OTUD4: variants seen among roughly 807,000 people sequenced by gnomAD.
OTUD4 encodes the protein OTU deubiquitinase 4.
OTUD4 carries 24 observed loss-of-function variants against 130.4 expected under a neutral mutation model. That is an observed-to-expected ratio of 0.18 (90% CI 0.13 to 0.26). OTUD4 has a LOEUF of 0.26. Among genes scored for constraint, OTUD4 ranks in the 10% least tolerant of loss-of-function variants. OTUD4 has a pLI of 1.00. For synonymous variants in OTUD4, 420 were observed against 472.5 expected (o/e 0.89, Z 1.44); for missense variants, 1,031 against 1,329.4 (o/e 0.78, Z 3.49).
intron 10 of OTUD4, 55 bp downstream of exon 10, chr4:145,155,356 T>G: frequency 7.0e-7 from 1 of 1,432,246 alleles, no homozygotes; most frequent in African/African-American, 1.4e-5. Context: ...CTGTTTGTAT[T>G]AGAAAAAGCA....
At chr4:145,166,489 T>C (rs1024308505) in intron 3 of OTUD4, among the ~76,000 whole-genome samples, 24 of 152,182 alleles carry the variant, frequency 1.6e-4, no homozygotes, top group Middle Eastern at 3.4e-3. Context: ...TGGGAGTTAT[T>C]TGTAACAGTG....
intron 3 of OTUD4, among the ~76,000 whole-genome samples, chr4:145,168,816 G>A (rs1752004568): frequency 6.6e-6 from 1 of 152,128 alleles, no homozygotes; most frequent in African/African-American, 2.4e-5. Flanking sequence ...CAAGAAAAAA[G>A]AAAACACATG....
intron 7 of OTUD4, among the ~76,000 whole-genome samples, chr4:145,157,492 C>T (rs891799560): frequency 1.3e-5 from 2 of 152,010 alleles, no homozygotes; most frequent in South Asian, 4.1e-4. Flanking sequence ...AGTTCGAGAC[C>T]AGCCTGACCA....
chr4:145,162,995 CTACT>C (rs1210205215), intron 5 of OTUD4, among the ~76,000 whole-genome samples: 5 of 152,114 alleles, frequency 3.3e-5, no homozygotes, highest in Non-Finnish European at 5.9e-5. Flanking sequence ...ATGCTTTCAA[CTACT>C]TAAAGAACAA....
At chr4:145,154,807 T>C (rs1000817377) in intron 10 of OTUD4, among the ~76,000 whole-genome samples, 2 of 148,506 alleles carry the variant, frequency 1.3e-5, no homozygotes, top group African/African-American at 5.0e-5. Flanking sequence ...GAATAAAAAA[T>C]GTCTCCAGAC....
chr4:145,144,072 C>T (rs1206595613), intron 15 of OTUD4, 71 bp from the exon 16 acceptor site: 28 of 1,307,946 alleles, frequency 2.1e-5, no homozygotes, highest in East Asian at 4.6e-5. Flanking sequence ...GAACAAAATA[C>T]GAAGATAGAA....
chr4:145,161,364 G>A (rs1163860708), intron 6 of OTUD4, among the ~76,000 whole-genome samples: 1 of 152,146 alleles, frequency 6.6e-6, no homozygotes, highest in Non-Finnish European at 1.5e-5. Context: ...AGGGTACAGA[G>A]GCTACACTTC....
Position 145,138,480 on chromosome 4 carries a change from A to T in OTUD4, c.2295T>A (p.Asp765Glu). 6.2e-7 allele frequency: 1 copy of T among 1,614,050 alleles called. No individual in the cohort carries two copies. The highest frequency in any genetic ancestry group is 1.3e-5 in the African/African-American group (1 of 75,050). ...AQNESDCTCTDAHFPMQTEAS... is the reference protein window; with the variant it reads ...AQNESDCTCTEAHFPMQTEAS... The stretch of plus-strand genomic sequence containing the variant: ...CCTCAGTCTGCATAGGAAAGTGGGC[A>T]TCAGTACAGGTACAATCACTTTCAT... Residue 765 changes from aspartate (D) to glutamate (E), a missense_variant, in exon 21 of 21, where the codon GAT becomes GAA. By Grantham distance (45) the Asp-to-Glu change is conservative (BLOSUM62 2). This residue lies in a region of OTUD4 where 900 missense variants were observed against 1,095.9 expected (regional missense o/e 0.82). Transcript: ENST00000447906.
At chr4:145,139,785 A>T (rs1254467373) in intron 20 of OTUD4, among the ~76,000 whole-genome samples, 166 bp downstream of exon 20, 1 of 152,230 alleles carries the variant, frequency 6.6e-6, no homozygotes, top group African/African-American at 2.4e-5. Context: ...TGGAGCCTCT[A>T]CTAGCACCAA....
intron 4 of OTUD4, 131 bp downstream of exon 4, chr4:145,165,020 A>T (rs1264480887): frequency 6.2e-6 from 3 of 480,974 alleles, no homozygotes; most frequent in South Asian, 5.3e-5. Context: ...TGATGCAATT[A>T]AAAAAAACTT....
At chr4:145,170,885 C>T (rs1211923824) in intron 3 of OTUD4, 1 of 152,124 alleles carries the variant, frequency 6.6e-6, no homozygotes, top group Non-Finnish European at 1.5e-5. Flanking sequence ...TAAGAAAAAT[C>T]CTTTTAACAT....
At chr4:145,152,341 G>C (rs1487878174) in intron 11 of OTUD4, among the ~76,000 whole-genome samples, 200 bp downstream of exon 11, 1 of 152,118 alleles carries the variant, frequency 6.6e-6, no homozygotes, top group Non-Finnish European at 1.5e-5. Context: ...TTGATCTCCT[G>C]ACCTCATGAT....
chr4:145,174,051 A>T (rs1178408990), intron 2 of OTUD4, among the ~76,000 whole-genome samples: 1 of 141,060 alleles, frequency 7.1e-6, no homozygotes, highest in African/African-American at 2.7e-5. Context: ...TCTGTCACCC[A>T]GGCTGTGGTG....
At chr4:145,147,604 G>A (rs1479425854) in intron 13 of OTUD4, among the ~76,000 whole-genome samples, 1 of 152,132 alleles carries the variant, frequency 6.6e-6, no homozygotes, top group African/African-American at 2.4e-5. Flanking sequence ...CTTGAAGACA[G>A]ATATTCAGCC....
rs757674725 is a variant in OTUD4 at position 145,173,351 on chromosome 4, G to A, written c.243+1310C>T. On this transcript the variant is annotated intron_variant, in intron 2 of 20. Coordinates refer to ENST00000447906, the MANE Select transcript of OTUD4 (RefSeq NM_001366057.1). ...GGAGCTTGCAGTGAGCCAAGATGGC[G>A]CCACTGCACTCCAGCCTGGGCGACA... Among the ~76,000 whole-genome samples, 160 of 151,778 alleles carry A rather than the reference G, an allele frequency of 1.1e-3. 1 individual carries two copies. The highest frequency in any genetic ancestry group is 1.8e-3 in the Non-Finnish European group (124 of 67,952).
chr4:145,140,863 G>C (rs1483776976), intron 19 of OTUD4, among the ~76,000 whole-genome samples: 1 of 3,556 alleles, frequency 2.8e-4, no homozygotes, highest in African/African-American at 3.0e-4. Context: ...AAGTATGCTA[G>C]AAACAAAAAA....
intron 15 of OTUD4, 89 bp from the exon 16 acceptor site, chr4:145,144,090 A>G: frequency 8.5e-7 from 1 of 1,183,124 alleles, no homozygotes; most frequent in South Asian, 1.3e-5. Context: ...GAAGAAGCCA[A>G]AAGTATTATT....
At position 145,138,600 on chromosome 4, in the gene OTUD4, G is replaced by T; in HGVS notation, c.2175C>A (p.His725Gln). 1 of 1,613,764 alleles carries T rather than the reference G, an allele frequency of 6.2e-7. No homozygotes were observed. The highest frequency in any genetic ancestry group is 1.1e-5 in the South Asian group (1 of 91,066). The change falls in exon 21 of 21, where the codon CAC becomes CAA. Residue 725 changes from histidine (H) to glutamine (Q), a missense_variant. His to Gln is a conservative substitution (Grantham distance 24). This residue lies in a region of OTUD4 where 900 missense variants were observed against 1,095.9 expected (regional missense o/e 0.82). Transcript: ENST00000447906. ...TCCTGCAGGCTGCCAGGTAGGCCTG[G>T]TGCAGAGGGTACAGGTAAGAATGTG... ...WAPHSYLYPL[H>Q]QAYLAACRMY...
At chr4:145,151,117 T>TA (rs1293621510) in intron 11 of OTUD4, among the ~76,000 whole-genome samples, 2 of 152,074 alleles carry the variant, frequency 1.3e-5, no homozygotes, top group East Asian at 1.9e-4. Flanking sequence ...TTTCTAATTT[T>TA]AAAAAAAGAC....
Sources: allele counts gnomAD v4.1 joint callset (sites outside exome capture counted in the v4.1 genomes callset), GRCh38; gene constraint gnomAD v4.1.1; regional missense constraint gnomAD v4.1.1; transcripts MANE v1.5; gene names NCBI Gene and HGNC (gene_info 2026-07-23, HGNC 2026-07-21).